Variants in PDCD11 observed in about 807,000 individuals in gnomAD.
PDCD11 encodes the protein programmed cell death 11, also known as protein RRP5 homolog.
PDCD11 carries 97 observed loss-of-function variants against 198.9 expected under a neutral mutation model. The ratio of observed to expected loss-of-function variants is 0.49; its 90% CI spans 0.41 to 0.58. The LOEUF (loss-of-function observed/expected upper bound fraction) is 0.58. PDCD11 is among the 20% of genes least tolerant of loss of function. PDCD11 has a pLI of 0.00. For synonymous variants in PDCD11, 893 were observed against 918.0 expected, an observed-to-expected ratio of 0.97 and a Z score of 0.49; for missense variants, 2,102 against 2,312.7, an observed-to-expected ratio of 0.91 and a Z score of 1.87.
At chr10:103,400,141 G>A (rs751546261) in intron 2 of PDCD11, among the ~76,000 whole-genome samples, 4 of 152,088 alleles carry the variant, frequency 2.6e-5, no homozygotes, top group Non-Finnish European at 5.9e-5. Flanking sequence ...AGTCAAGAGA[G>A]GGAGAACACA....
Position 103,427,347 on chromosome 10 carries a change from C to T in PDCD11, c.3324C>T (p.His1108=). 6.2e-7 allele frequency: 1 copy of T among 1,613,336 alleles called. No individual in the cohort carries two copies. Among genetic ancestry groups the T allele is most frequent in the Non-Finnish European group, 8.5e-7 (1 of 1,179,584 alleles). ...MKTFKYLPIS[H]PRFVRTIPEL... ...TCTCCAGGTATCTCCCAATAAGTCA[C>T]CCCAGATTCGTTCGAACCATCCCGG... is the stretch of plus-strand genomic sequence containing the variant. The change falls in exon 21 of 36, where the codon CAC becomes CAT. Residue 1108 remains histidine (H), a synonymous_variant. Transcript: ENST00000369797.
chr10:103,421,538 A>G lies in PDCD11; in HGVS notation c.2468A>G (p.Gln823Arg). 2 of 1,553,124 alleles carry G rather than the reference A, an allele frequency of 1.3e-6. No individual in the cohort carries two copies. The highest frequency in any genetic ancestry group is 1.4e-5 in the African/African-American group (1 of 73,416). Residue 823 changes from glutamine to arginine, a missense_variant, in exon 17 of 36, where the codon CAG becomes CGG. Coordinates refer to ENST00000369797, the MANE Select transcript of PDCD11 (RefSeq NM_014976.2). ...LLLNQCLEELQGVRSLMSNRD... is the reference protein window; with the variant it reads ...LLLNQCLEELRGVRSLMSNRD... ...CTGAATCAGTGCCTGGAGGAGCTGC[A>G]GGGCGTGCGCAGCCTTATGAGCAAC...
rs761983961 is a variant in PDCD11, at chr10:103,444,043, C to T, written c.5253C>T (p.Ala1751=). 6.2e-7 allele frequency: 1 copy of T among 1,612,276 alleles called. No homozygotes were observed. The highest frequency in any genetic ancestry group is 1.1e-5 in the South Asian group (1 of 90,990). The change falls in exon 34 of 36, where the codon GCC becomes GCT. Residue 1751 remains alanine (A), a synonymous_variant. Transcript: ENST00000369797. ...CCAGTCACCGCGTGCTGCAGCGAGC[C>T]CTGGAGTGCCTGCCTAGCAAGGAGC... The part of the protein sequence containing the change: ...AAASHRVLQR[A]LECLPSKEHV...
In PDCD11 at chr10:103,418,553, C is replaced by G. The variant is rs750416628; in HGVS notation, c.2025C>G (p.Asn675Lys). Reference protein sequence around the residue: ...PTSHLSDHVANGPLLHHWLQA... With the variant: ...PTSHLSDHVAKGPLLHHWLQA... ...CTCATCTGTCGGACCACGTTGCCAA[C>G]GGCCCATTGTTACATCATTGGCTCC... Residue 675 changes from asparagine to lysine, a missense_variant, in exon 15 of 36, where the codon AAC (asparagine) becomes AAG (lysine). Asn to Lys is a moderately conservative substitution (Grantham distance 94, BLOSUM62 0). Transcript: ENST00000369797. 6.2e-7 allele frequency: 1 copy of G among 1,614,202 alleles called. No homozygotes were observed. The highest frequency in any genetic ancestry group is 1.1e-5 in the South Asian group (1 of 91,082).
At position 103,425,395 on chromosome 10, in the gene PDCD11, A is replaced by G. The variant is rs1180948397; in HGVS notation, c.3175A>G (p.Ile1059Val). 1 of 1,614,156 alleles carries G rather than the reference A, an allele frequency of 6.2e-7. No individual in the cohort carries two copies. Among genetic ancestry groups the G allele is most frequent in the South Asian group, 1.1e-5 (1 of 91,082 alleles). Residue 1059 changes from isoleucine (I) to valine (V), a missense_variant, in exon 20 of 36, where the codon ATT (isoleucine) becomes GTT (valine). Ile to Val is a conservative substitution (Grantham distance 29). Transcript: ENST00000369797. ...TGTGGTTGTGACTCTGGAAGATGGC[A>G]TTATTGGCTGTATCCATGCCTCCCA... ...THVVVTLEDG[I>V]IGCIHASHIL... is the part of the protein sequence containing the mutation.
chr10:103,400,495 C>T lies in PDCD11; in HGVS notation c.201C>T (p.Ser67=), dbSNP rs149531106. 6.8e-5 allele frequency: 109 copies of T among 1,613,786 alleles called. No homozygotes were observed. The highest frequency in any genetic ancestry group is 8.5e-5 in the Non-Finnish European group (100 of 1,179,850). The change falls in exon 3 of 36, where the codon TCC becomes TCT. Residue 67 remains serine (S), a synonymous_variant. Transcript: ENST00000369797. ...TCGAAAAGAGAGAAAGCAGCAAGTCCGCAAGAGAGAAGTTTGAAATCCTTA... is the reference window on the plus strand; with the variant it reads ...TCGAAAAGAGAGAAAGCAGCAAGTCTGCAAGAGAGAAGTTTGAAATCCTTA... ...LKIEKRESSK[S]AREKFEILSV... is the part of the protein sequence containing the mutation.
At chr10:103,406,486 G>A in intron 6 of PDCD11, 123 bp from the exon 7 acceptor site, 1 of 781,160 alleles carries the variant, frequency 1.3e-6, no homozygotes, top group Admixed American at 3.1e-5. Context: ...TGGGAATTTG[G>A]GGAGTAACTG....
chr10:103,406,937 T>C, intron 7 of PDCD11, 147 bp downstream of exon 7: 2 of 590,054 alleles, frequency 3.4e-6, no homozygotes, highest in Admixed American at 3.5e-5. Context: ...CAGTGCCACA[T>C]GTTGAAATGA....
intron 2 of PDCD11, chr10:103,399,672 T>C (rs1222895437): frequency 6.6e-6 from 1 of 152,214 alleles, no homozygotes; most frequent in Non-Finnish European, 1.5e-5. Flanking sequence ...TCTTTTCAAC[T>C]GTACTGTGAA....
rs759850846 is a variant in PDCD11, at chr10:103,421,424, A to C, written c.2354A>C (p.Asn785Thr). The C allele has an allele frequency of 1.2e-6, 2 of 1,608,148 alleles. No individual in the cohort carries two copies. Among genetic ancestry groups the C allele is most frequent in the Non-Finnish European group, 1.7e-6 (2 of 1,177,330 alleles). The change falls in exon 17 of 36, where the codon AAT becomes ACT. Residue 785 changes from asparagine to threonine, a missense_variant. By Grantham distance (65) the Asn-to-Thr change is moderately conservative. Transcript: ENST00000369797. Reference protein sequence around the residue: ...EGQTVAAKVTNVDEEKQRMLL... With the variant: ...EGQTVAAKVTTVDEEKQRMLL... ...CAGACAGTAGCGGCAAAGGTGACCA[A>C]TGTGGATGAGGAGAAGCAGCGGATG...
At chr10:103,413,802 A>G (rs950272926) in intron 9 of PDCD11, among the ~76,000 whole-genome samples, 164 bp from the exon 10 acceptor site, 2 of 152,228 alleles carry the variant, frequency 1.3e-5, no homozygotes, top group Admixed American at 6.5e-5. Context: ...AAATTCTGTG[A>G]TGATAAAGAG....
chr10:103,401,600 T>C (rs1164607809), intron 3 of PDCD11, among the ~76,000 whole-genome samples: 1 of 152,044 alleles, frequency 6.6e-6, no homozygotes, highest in Non-Finnish European at 1.5e-5. Flanking sequence ...AACACCAATA[T>C]GTGTTAGTTA....
Position 103,444,596 on chromosome 10 carries a change from C to G in PDCD11, c.5358C>G (p.Asn1786Lys). The G allele has an allele frequency of 6.2e-7, 1 of 1,614,164 alleles. No homozygotes were observed. Among genetic ancestry groups the G allele is most frequent in the Middle Eastern group, 1.7e-4 (1 of 6,042 alleles). ...DAERAKAIFE[N>K]TLSTYPKRTD... Reference sequence around the variant, plus strand: ...AGCGGGCCAAAGCCATTTTTGAGAACACGCTGAGCACCTACCCAAAGCGCA... The same window carrying G: ...AGCGGGCCAAAGCCATTTTTGAGAAGACGCTGAGCACCTACCCAAAGCGCA... The change falls in exon 35 of 36, where the codon AAC (asparagine) becomes AAG (lysine). Residue 1786 changes from asparagine (N) to lysine (K), a missense_variant. Transcript: ENST00000369797.
intron 20 of PDCD11, 95 bp from the exon 21 acceptor site, chr10:103,427,234 A>T: frequency 9.1e-7 from 1 of 1,093,320 alleles, no homozygotes; most frequent in South Asian, 1.3e-5. Flanking sequence ...TGCTTTTGTG[A>T]GCTTGGTTTG....
chr10:103,417,975 CAG>C (rs777965214), intron 14 of PDCD11, 43 bp downstream of exon 14: 2 of 1,606,072 alleles, frequency 1.2e-6, no homozygotes, highest in Non-Finnish European at 1.7e-6. Flanking sequence ...GTTACAGTGG[CAG>C]AGAGCAGGGA....
chr10:103,431,147 T>C (rs998754590), intron 21 of PDCD11, among the ~76,000 whole-genome samples: 3 of 152,212 alleles, frequency 2.0e-5, no homozygotes, highest in African/African-American at 4.8e-5. Flanking sequence ...TTTACAAATT[T>C]ACTAACATTA....
chr10:103,402,506 T>C (rs1026153551), intron 3 of PDCD11, among the ~76,000 whole-genome samples: 2 of 147,892 alleles, frequency 1.4e-5, no homozygotes, highest in African/African-American at 5.0e-5. Context: ...TGGCATGATC[T>C]CAGTTCATTG....
chr10:103,427,534 G>A, intron 21 of PDCD11, 143 bp downstream of exon 21: 2 of 660,900 alleles, frequency 3.0e-6, no homozygotes, highest in South Asian at 3.8e-5. Flanking sequence ...TCTCTAGTGG[G>A]GATATTTGGT....
At chr10:103,405,739 T>G (rs1301379372) in intron 5 of PDCD11, among the ~76,000 whole-genome samples, 1 of 152,202 alleles carries the variant, frequency 6.6e-6, no homozygotes, top group Admixed American at 6.5e-5. Flanking sequence ...AAGAGACTCT[T>G]CTATATTGTT....
Sources: allele counts gnomAD v4.1 joint callset (sites outside exome capture counted in the v4.1 genomes callset), GRCh38; gene constraint gnomAD v4.1.1; transcripts MANE v1.5; gene names NCBI Gene and HGNC (gene_info 2026-07-23, HGNC 2026-07-21).